The following HMGA2 variants were observed in gnomAD, a reference collection of about 807,000 sequenced individuals.
HMGA2 encodes the protein high mobility group protein HMGI-C.
A neutral mutation model predicts 19.1 loss-of-function variants in HMGA2; 8 were observed. The observed-to-expected ratio is 0.42, with a 90% CI of 0.25 to 0.76. The LOEUF is 0.76. Among genes scored for constraint, HMGA2 ranks in the 30% least tolerant of loss-of-function variants. The probability of loss-of-function intolerance (pLI) is 0.28; values close to 1 mark genes in which losing one functional copy is unlikely to be tolerated. For missense variants in HMGA2, 109 were observed against 136.3 expected (o/e 0.80, Z 1.00); for synonymous variants, 60 against 48.8 (o/e 1.23, Z -0.96).
In HMGA2 at chr12:65,903,276, A is replaced by G. The variant is rs182798673; in HGVS notation, c.250-48107A>G. Among the ~76,000 whole-genome samples, 20 of 152,350 alleles carry G rather than the reference A, an allele frequency of 1.3e-4. 1 individual carries two copies. Among genetic ancestry groups the G allele is most frequent in the African/African-American group, 4.8e-4 (20 of 41,578 alleles). On this transcript the variant is annotated intron_variant, in intron 3 of 4. Coordinates refer to ENST00000403681, the MANE Select transcript of HMGA2 (RefSeq NM_003483.6). ...AGACTGAAACTTGTGTCACTTCACTAAAGCATTTCCTAAAAACAAATGCCA... is the reference window on the plus strand; with the variant it reads ...AGACTGAAACTTGTGTCACTTCACTGAAGCATTTCCTAAAAACAAATGCCA...
chr12:65,953,424 G>T (rs567398790), intron 4 of HMGA2: 22 of 152,250 alleles, frequency 1.4e-4, no homozygotes, highest in African/African-American at 5.1e-4. Flanking sequence ...AGGGAAAACT[G>T]AAACATAAAT....
In HMGA2 at chr12:65,932,435, C is replaced by T. The variant is rs1875747602; in HGVS notation, c.250-18948C>T. Among the ~76,000 whole-genome samples the T allele has an allele frequency of 2.0e-5, 3 of 152,332 alleles. No individual in the cohort carries two copies. The East Asian group carries it at 5.8e-4, about 29-fold the overall frequency. On this transcript the variant is annotated intron_variant, in intron 3 of 4. Transcript: ENST00000403681. ...ATTCTTTCATTCTTTCTTCCTTTCT[C>T]ATTTCTTGAATGCTGGCTATATGCC... is the stretch of plus-strand genomic sequence containing the variant.
At chr12:65,875,589 A>ATTTCTTTTTTTTTTTTTT (rs1872961985) in intron 3 of HMGA2, among the ~76,000 whole-genome samples, 1 of 26,098 alleles carries the variant, frequency 3.8e-5, no homozygotes, top group Non-Finnish European at 8.5e-5. Flanking sequence ...GTGCCCGGCT[A>ATTTCTTTTTTTTTTTTTT]TTTTTTTTTT....
chr12:65,906,616 GT>G (rs1437310931), intron 3 of HMGA2, among the ~76,000 whole-genome samples: 10 of 152,226 alleles, frequency 6.6e-5, no homozygotes, highest in African/African-American at 2.4e-4. Context: ...TGGTGAGTTA[GT>G]TCAACTCATA....
chr12:65,904,625 T>G (rs1346704449), intron 3 of HMGA2, among the ~76,000 whole-genome samples: 1 of 152,226 alleles, frequency 6.6e-6, no homozygotes, highest in Admixed American at 6.5e-5. Flanking sequence ...ATTAATTGAT[T>G]CAAATAATTG....
rs183701788 is a variant in HMGA2 at position 65,963,507 on chromosome 12, C to T, written c.*215C>T. 1 of 575,520 alleles carries T rather than the reference C, an allele frequency of 1.7e-6. No individual in the cohort carries two copies. The highest frequency in any genetic ancestry group is 3.0e-5 in the East Asian group (1 of 33,894). 35.7% of individuals were successfully genotyped at this position (575,520 alleles called of 1,614,324 possible). On this transcript the variant is annotated 3_prime_UTR_variant, in exon 5 of 5. Coordinates refer to ENST00000403681, the MANE Select transcript of HMGA2 (RefSeq NM_003483.6). ...ACCTTCTTTGTAATCCCTTCACAGTCCCAGGTTTAGTGAAAAACTGCTGTA... is the reference window on the plus strand; with the variant it reads ...ACCTTCTTTGTAATCCCTTCACAGTTCCAGGTTTAGTGAAAAACTGCTGTA...
intron 2 of HMGA2, among the ~76,000 whole-genome samples, chr12:65,833,344 A>C (rs1212393115): frequency 6.6e-6 from 1 of 151,976 alleles, no homozygotes; most frequent in Non-Finnish European, 1.5e-5. Flanking sequence ...GGCTTTGGAT[A>C]GTGGGCTTCA....
intron 3 of HMGA2, among the ~76,000 whole-genome samples, chr12:65,930,380 G>A (rs1454401119): frequency 2.0e-5 from 3 of 152,294 alleles, no homozygotes; most frequent in South Asian, 2.1e-4. Context: ...CCCAGGGCCC[G>A]TACCTGCCCC....
At chr12:65,867,238 T>G (rs1657994132) in intron 3 of HMGA2, among the ~76,000 whole-genome samples, 1 of 152,218 alleles carries the variant, frequency 6.6e-6, no homozygotes. Flanking sequence ...GTCCTGTTTT[T>G]GCAATGAGCA....
chr12:65,933,446 C>T (rs916258799), intron 3 of HMGA2, among the ~76,000 whole-genome samples: 8 of 152,166 alleles, frequency 5.3e-5, no homozygotes, highest in African/African-American at 1.7e-4. Flanking sequence ...TGTTGCAAAG[C>T]ACCCCTTTAA....
At chr12:65,893,274 T>A (rs1873991085) in intron 3 of HMGA2, among the ~76,000 whole-genome samples, 1 of 152,164 alleles carries the variant, frequency 6.6e-6, no homozygotes. Flanking sequence ...CTCACCCCAG[T>A]GTGGTCACAG....
intron 3 of HMGA2, among the ~76,000 whole-genome samples, chr12:65,941,208 G>A (rs143864119): frequency 6.6e-6 from 1 of 152,102 alleles, no homozygotes; most frequent in Middle Eastern, 3.2e-3. Context: ...AAGACAAGAC[G>A]AATGAAGTAT....
intron 3 of HMGA2, among the ~76,000 whole-genome samples, chr12:65,838,862 T>C (rs1344121037): frequency 1.3e-5 from 2 of 152,096 alleles, no homozygotes; most frequent in Non-Finnish European, 2.9e-5. Context: ...ATTTGTTCAG[T>C]AGATTGAGTA....
chr12:65,931,421 C>T (rs1276089010), intron 3 of HMGA2, among the ~76,000 whole-genome samples: 2 of 152,088 alleles, frequency 1.3e-5, no homozygotes, highest in Admixed American at 6.6e-5. Context: ...CATCTCACAA[C>T]TATGTAAAGC....
At chr12:65,924,877 G>T in intron 3 of HMGA2, among the ~76,000 whole-genome samples, 1 of 152,124 alleles carries the variant, frequency 6.6e-6, no homozygotes, top group East Asian at 1.9e-4. Context: ...TTCAGAACAG[G>T]TCTTCCTATT....
intron 3 of HMGA2, among the ~76,000 whole-genome samples, chr12:65,916,699 A>G (rs1232343576): frequency 6.6e-6 from 1 of 152,186 alleles, no homozygotes; most frequent in Non-Finnish European, 1.5e-5. Flanking sequence ...TGACTTTGAG[A>G]TAGTTAATAT....
At chr12:65,828,673 C>T (rs1348080457) in intron 2 of HMGA2, 1 of 161,832 alleles carries the variant, frequency 6.2e-6, no homozygotes, top group African/African-American at 2.4e-5. Flanking sequence ...TTACAATAAA[C>T]CTGCAGTATA....
At chr12:65,897,153 C>G (rs993569341) in intron 3 of HMGA2, among the ~76,000 whole-genome samples, 1 of 152,050 alleles carries the variant, frequency 6.6e-6, no homozygotes, top group African/African-American at 2.4e-5. Flanking sequence ...GATTTTGATG[C>G]GGGCATACAA....
chr12:65,907,356 A>G (rs1874638245), intron 3 of HMGA2, among the ~76,000 whole-genome samples: 2 of 149,218 alleles, frequency 1.3e-5, no homozygotes, highest in South Asian at 4.3e-4. Context: ...GTTGCAGCGA[A>G]CCAAGATCAT....
Sources: allele counts gnomAD v4.1 joint callset (sites outside exome capture counted in the v4.1 genomes callset), GRCh38; gene constraint gnomAD v4.1.1; transcripts MANE v1.5; gene names NCBI Gene and HGNC (gene_info 2026-07-23, HGNC 2026-07-21).